EPS8L2: variants seen among roughly 807,000 people sequenced by gnomAD.
EPS8L2 encodes the protein epidermal growth factor receptor kinase substrate 8-like protein 2.
EPS8L2 carries 81 observed loss-of-function variants against 99.4 expected under a neutral mutation model. That is an observed-to-expected ratio of 0.82 (90% CI 0.68 to 0.98). The LOEUF (loss-of-function observed/expected upper bound fraction) is 0.98. EPS8L2 is among the 50% of genes least tolerant of loss of function. The pLI is 0.00. For synonymous variants in EPS8L2, 509 were observed against 407.3 expected, an observed-to-expected ratio of 1.25 and a Z score of -3.01; for missense variants, 1,155 against 968.8, an observed-to-expected ratio of 1.19 and a Z score of -2.55.
intron 16 of EPS8L2, among the ~76,000 whole-genome samples, chr11:725,168 A>G (rs1862281174): frequency 1.3e-5 from 2 of 152,310 alleles, no homozygotes; most frequent in South Asian, 4.1e-4. Flanking sequence ...GCCAGCCGGA[A>G]TCCAGGCCAC....
chr11:716,319 T>G (rs983904244), intron 4 of EPS8L2, among the ~76,000 whole-genome samples: 1 of 152,024 alleles, frequency 6.6e-6, no homozygotes, highest in Non-Finnish European at 1.5e-5. Context: ...CGGCTAATTT[T>G]TTGTGTTTTT....
Position 724,744 on chromosome 11 carries a change from C to T in EPS8L2, c.1475C>T (p.Ala492Val). 1 of 1,613,428 alleles carries T rather than the reference C, an allele frequency of 6.2e-7. No individual in the cohort carries two copies. The highest frequency in any genetic ancestry group is 1.7e-4 in the Middle Eastern group (1 of 6,060). Reference protein sequence around the residue: ...HTHRGYQPTPAMAKYVKILYD... With the variant: ...HTHRGYQPTPVMAKYVKILYD... ...CACAGGGGCTACCAGCCAACACCAGCCATGGCCAAGTACGTCAAGATCCTG... is the reference window on the plus strand; with the variant it reads ...CACAGGGGCTACCAGCCAACACCAGTCATGGCCAAGTACGTCAAGATCCTG... The change falls in exon 16 of 21, where the codon GCC (alanine) becomes GTC (valine). Residue 492 changes from alanine (A) to valine (V), a missense_variant. By Grantham distance (64) the Ala-to-Val change is moderately conservative (BLOSUM62 0). Coordinates refer to ENST00000318562, the MANE Select transcript of EPS8L2 (RefSeq NM_022772.4). The surrounding 1 kb of genome is among the most constrained non-coding windows in gnomAD (Gnocchi z 5.5).
At position 715,220 on chromosome 11, in the gene EPS8L2, A is replaced by C. The variant is rs28852668; in HGVS notation, c.165+4734A>C. ...TTGCGCCACTGCACTCCAGCCTGGG[A>C]GACAGAGTGAGACTCTGTCTCAAAA... is the stretch of plus-strand genomic sequence containing the variant. On this transcript the variant is annotated intron_variant, in intron 4 of 20. Transcript: ENST00000318562. Among the ~76,000 whole-genome samples, 942 of 151,154 alleles carry C rather than the reference A, an allele frequency of 6.2e-3. 4 individuals are homozygous for C. Among genetic ancestry groups the C allele is most frequent in the African/African-American group, 0.019 (769 of 41,156 alleles).
rs1286663744 is a variant in EPS8L2 at position 722,539 on chromosome 11, A to G, written c.1198A>G (p.Met400Val). The change falls in exon 13 of 21, where the codon ATG becomes GTG. Residue 400 changes from methionine to valine, a missense_variant. Physicochemically the swap from Met to Val is conservative, Grantham distance 21 (BLOSUM62 1). Transcript: ENST00000318562. ...GTGGGAGTCACTGGGAGAGAGCTGG[A>G]TGCGGCCCCGGTAGGGCAGGGCAGA... ...SLWESLGESW[M>V]RPRSEWPREP... The G allele has an allele frequency of 6.2e-7, 1 of 1,612,864 alleles. No individual in the cohort carries two copies. Among genetic ancestry groups the G allele is most frequent in the Non-Finnish European group, 8.5e-7 (1 of 1,179,864 alleles).
At chr11:707,224 C>T (rs1208527349) in intron 1 of EPS8L2, among the ~76,000 whole-genome samples, 1 of 152,194 alleles carries the variant, frequency 6.6e-6, no homozygotes, top group Non-Finnish European at 1.5e-5. Context: ...CCTTCTCCGC[C>T]TGCCTCGGTC....
rs1455851809 is a variant in EPS8L2 at position 722,799 on chromosome 11, C to A, written c.1335C>A (p.Ile445=). The part of the protein sequence containing the change: ...WEVEGLASAP[I]EEVSPVSRQS... Reference sequence around the variant, plus strand: ...TGGAGGGGCTGGCGTCTGCCCCCATCGAGGAGGTGAGAGCACCAGCAGCCC... The same window carrying A: ...TGGAGGGGCTGGCGTCTGCCCCCATAGAGGAGGTGAGAGCACCAGCAGCCC... Residue 445 remains isoleucine, a synonymous_variant, in exon 14 of 21, where the codon ATC becomes ATA. Coordinates refer to ENST00000318562, the MANE Select transcript of EPS8L2 (RefSeq NM_022772.4). 3.2e-5 allele frequency: 50 copies of A among 1,573,484 alleles called. No homozygotes were observed. The highest frequency in any genetic ancestry group is 4.3e-5 in the Non-Finnish European group (50 of 1,163,592).
At chr11:725,989 G>A in intron 17 of EPS8L2, 109 bp from the exon 18 acceptor site, 2 of 1,327,322 alleles carry the variant, frequency 1.5e-6, no homozygotes, top group South Asian at 1.4e-5. Context: ...GGAAAGGGCT[G>A]GTCCGCAGGC....
intron 3 of EPS8L2, chr11:709,874 G>C (rs568957616): frequency 3.6e-6 from 2 of 556,742 alleles, no homozygotes; most frequent in Admixed American, 6.2e-5. Context: ...GCTGTAACCT[G>C]ATCACAGCGA....
At position 726,989 on chromosome 11, in the gene EPS8L2, T is replaced by C. The variant is rs1862349287; in HGVS notation, c.*8T>C. 3 of 1,605,220 alleles carry C rather than the reference T, an allele frequency of 1.9e-6. No individual in the cohort carries two copies. The highest frequency in any genetic ancestry group is 2.6e-6 in the Non-Finnish European group (3 of 1,173,112). On this transcript the variant is annotated 3_prime_UTR_variant, in exon 21 of 21. Coordinates refer to ENST00000318562, the MANE Select transcript of EPS8L2 (RefSeq NM_022772.4). The stretch of plus-strand genomic sequence containing the variant: ...AGGGGGGAGGACAGCTAGGCCCAGC[T>C]GCCTTGGGCTGGGGCCTGCGGAGGG...
At position 723,221 on chromosome 11, in the gene EPS8L2, G is replaced by A. The variant is rs781021052; in HGVS notation, c.1342-20G>A. On this transcript the variant is annotated intron_variant, in intron 14 of 20. Transcript: ENST00000318562. ...CAGCCCCGCCCCATGTCTAACTCAG[G>A]TCGCCCACCTTCCCCACAGGTGAGT... 34 of 1,484,948 alleles carry A rather than the reference G, an allele frequency of 2.3e-5. No individual in the cohort carries two copies. The highest frequency in any genetic ancestry group is 3.1e-5 in the Non-Finnish European group (34 of 1,079,824). 92.0% of individuals were successfully genotyped at this position (1,484,948 alleles called of 1,614,324 possible).
In EPS8L2 at chr11:723,321, C is replaced by T; in HGVS notation, c.1422C>T (p.Ala474=). Residue 474 remains alanine, a synonymous_variant, in exon 15 of 21, where the codon GCC becomes GCT. Transcript: ENST00000318562. The stretch of plus-strand genomic sequence containing the variant: ...CAGAGCCCACCCCCCCGGGGGATGC[C>T]CTACCACCAGTCAGCTCCCCACATA... The part of the protein sequence containing the change: ...PTSEPTPPGD[A]LPPVSSPHTH... 1 of 1,595,176 alleles carries T rather than the reference C, an allele frequency of 6.3e-7. No homozygotes were observed. Among genetic ancestry groups the T allele is most frequent in the Non-Finnish European group, 8.5e-7 (1 of 1,170,458 alleles).
rs776640707 is a variant in EPS8L2 at position 720,091 on chromosome 11, C to T, written c.195C>T (p.Ser65=). The T allele has an allele frequency of 1.1e-4, 185 of 1,613,104 alleles. 1 individual carries two copies. The South Asian group carries it at 1.2e-3, about 10-fold the overall frequency. Residue 65 remains serine (S), a synonymous_variant, in exon 5 of 21, where the codon AGC becomes AGT. Coordinates refer to ENST00000318562, the MANE Select transcript of EPS8L2 (RefSeq NM_022772.4). ...TGGCCACATTCATCATGGACAAGAG[C>T]GAAGCCATCACGTCTGTGGACGACG... is the stretch of plus-strand genomic sequence containing the variant. The part of the protein sequence containing the change: ...QHLATFIMDK[S]EAITSVDDAI...
chr11:709,419 C>A lies in EPS8L2; in HGVS notation c.12C>A (p.Ser4=). 1 of 1,591,086 alleles carries A rather than the reference C, an allele frequency of 6.3e-7. No individual in the cohort carries two copies. The highest frequency in any genetic ancestry group is 8.5e-7 in the Non-Finnish European group (1 of 1,170,342). ...CCACCCAAGACACCATGAGCCAGTC[C>A]GGGGCCGTGAGCTGCTGCCCGGGTG... The part of the protein sequence containing the change: MSQ[S]GAVSCCPGAT... Residue 4 remains serine (S), a synonymous_variant, in exon 2 of 21, where the codon TCC becomes TCA. Coordinates refer to ENST00000318562, the MANE Select transcript of EPS8L2 (RefSeq NM_022772.4).
rs183449594 is a variant in EPS8L2 at position 711,858 on chromosome 11, C to T, written c.165+1372C>T. Among the ~76,000 whole-genome samples, 75 of 151,994 alleles carry T rather than the reference C, an allele frequency of 4.9e-4. 2 individuals carry two copies. In the East Asian group the frequency reaches 0.014, roughly 28 times the overall value. On this transcript the variant is annotated intron_variant, in intron 4 of 20. Coordinates refer to ENST00000318562, the MANE Select transcript of EPS8L2 (RefSeq NM_022772.4). ...ATTAGCCAGGCGTCGTGGTGCATAC[C>T]TATAATCCCAGCTACTCGGGAGGCT...
chr11:709,460 T>TCC lies in EPS8L2; in HGVS notation c.44+11_44+12dup. On this transcript the variant is annotated intron_variant, in intron 2 of 20. Transcript: ENST00000318562. ...TGCCCGGGTGCCACCAAGTGAGCCC[T>TCC]CCCACCCATCCCGAATACCCCACCC... is the stretch of plus-strand genomic sequence containing the variant. 1 of 1,018,920 alleles carries TCC rather than the reference T, an allele frequency of 9.8e-7. No homozygotes were observed. The highest frequency in any genetic ancestry group is 1.5e-6 in the Non-Finnish European group (1 of 686,980). 63.1% of individuals were successfully genotyped at this position (1,018,920 alleles called of 1,614,324 possible).
Position 709,591 on chromosome 11 carries a change from G to C in EPS8L2, c.83G>C (p.Ser28Thr). 6.2e-7 allele frequency: 1 copy of C among 1,613,164 alleles called. No individual in the cohort carries two copies. Among genetic ancestry groups the C allele is most frequent in the Non-Finnish European group, 8.5e-7 (1 of 1,179,950 alleles). The change falls in exon 3 of 21, where the codon AGC (serine) becomes ACC (threonine). Residue 28 changes from serine to threonine, a missense_variant. By Grantham distance (58) the Ser-to-Thr change is moderately conservative. Coordinates refer to ENST00000318562, the MANE Select transcript of EPS8L2 (RefSeq NM_022772.4). ...CGGTCCGACGGTGTGGCCAAGATGA[G>C]CCCCAAGGACCTGTTTGGTGAGTGA... ...LGRSDGVAKM[S>T]PKDLFEQRKK...
intron 12 of EPS8L2, 52 bp downstream of exon 12, chr11:722,217 T>C (rs745673314): frequency 1.3e-6 from 2 of 1,587,240 alleles, no homozygotes; most frequent in South Asian, 1.1e-5. Context: ...CAGAGGCCTC[T>C]GCAGCATCTC....
chr11:721,774 G>A (rs746048896), intron 10 of EPS8L2, 83 bp downstream of exon 10: 3 of 1,530,096 alleles, frequency 2.0e-6, no homozygotes, highest in Admixed American at 1.8e-5. Flanking sequence ...CGGGGCCAGG[G>A]ACATCCATGG....
intron 1 of EPS8L2, among the ~76,000 whole-genome samples, chr11:707,548 T>G (rs978502534): frequency 2.0e-5 from 3 of 152,154 alleles, no homozygotes; most frequent in East Asian, 3.9e-4. Flanking sequence ...CAGTACAAAG[T>G]GCAGCCTGGG....
Sources: allele counts gnomAD v4.1 joint callset (sites outside exome capture counted in the v4.1 genomes callset), GRCh38; gene constraint gnomAD v4.1.1; non-coding constraint Gnocchi (gnomAD v3.1); transcripts MANE v1.5; gene names NCBI Gene and HGNC (gene_info 2026-07-23, HGNC 2026-07-21).